The following USP35 variants were observed in gnomAD, a reference collection of about 807,000 sequenced individuals.
USP35 encodes the protein ubiquitin carboxyl-terminal hydrolase 35.
USP35 carries 69 observed loss-of-function variants against 83.8 expected under a neutral mutation model. That is an observed-to-expected ratio of 0.82 (90% CI 0.68 to 1.01). The LOEUF (loss-of-function observed/expected upper bound fraction) is 1.01. Among genes scored for constraint, USP35 ranks in the 50% least tolerant of loss-of-function variants. The pLI is 0.00. For missense variants in USP35, 1,503 were observed against 1,362.5 expected, an observed-to-expected ratio of 1.10 and a Z score of -1.62; for synonymous variants, 714 against 589.5, an observed-to-expected ratio of 1.21 and a Z score of -3.06.
At position 78,197,992 on chromosome 11, in the gene USP35, C is replaced by A. The variant is rs1044452652; in HGVS notation, c.730C>A (p.Leu244Ile). 5 of 1,614,126 alleles carry A rather than the reference C, an allele frequency of 3.1e-6. No homozygotes were observed. In the African/African-American group the frequency reaches 6.7e-5, roughly 22 times the overall value. ...CGTGGTCCAGCACCTCCCATTGGAG[C>A]TCATGGATGGTGTTGTCCGGAACCT... ...ASVVQHLPLE[L>I]MDGVVRNLSN... Residue 244 changes from leucine (L) to isoleucine (I), a missense_variant, in exon 3 of 11, where the codon CTC becomes ATC. By Grantham distance (5) the Leu-to-Ile change is conservative. Transcript: ENST00000529308.
chr11:78,214,658 A>C lies in USP35; in HGVS notation c.*845A>C, dbSNP rs1864020361. 1.3e-5 allele frequency: 2 copies of C among 152,068 alleles called. No individual in the cohort carries two copies. The highest frequency in any genetic ancestry group is 4.8e-5 in the African/African-American group (2 of 41,360). 9.4% of individuals were successfully genotyped at this position (152,068 alleles called of 1,614,324 possible). A position where few individuals can be genotyped will look rare whatever the true frequency, so the allele number is the denominator to read the frequency against. On this transcript the variant is annotated 3_prime_UTR_variant, in exon 11 of 11. Coordinates refer to ENST00000529308, the MANE Select transcript of USP35 (RefSeq NM_020798.4). Reference sequence around the variant, plus strand: ...GTAGCCCCCTTCTAACTTCTAACCGAAGACAAGACAGACACCCATGTTCAT... The same window carrying C: ...GTAGCCCCCTTCTAACTTCTAACCGCAGACAAGACAGACACCCATGTTCAT...
downstream of USP35, chr11:78,219,504 G>C (rs1864312109): frequency 1.7e-6 from 2 of 1,202,580 alleles, no homozygotes; most frequent in South Asian, 1.3e-5. Context: ...TTCCTGAGCT[G>C]TCTGAAGGGG....
At chr11:78,226,177 A>AC in the USP35 span, among the ~76,000 whole-genome samples, 1 of 152,172 alleles carries the variant, frequency 6.6e-6, no homozygotes, top group South Asian at 2.1e-4. Flanking sequence ...GGGCTTCTAA[A>AC]CCCATAATAT....
At position 78,214,380 on chromosome 11, in the gene USP35, G is replaced by GGGT. The variant is rs1555090247; in HGVS notation, c.*569_*570insTGG. The GGGT allele has an allele frequency of 7.8e-6, 1 of 127,742 alleles. No homozygotes were observed. The allele number at this position is 127,742 out of a possible 1,614,324, so 7.9% of individuals were successfully genotyped here. On this transcript the variant is annotated 3_prime_UTR_variant, in exon 11 of 11. Transcript: ENST00000529308. ...TACCAAGCGCCACTGCATGGTTTTG[G>GGGT]GGGGGGGGGCGGGGGGCTAGCTTCT...
At chr11:78,210,828 C>A in intron 10 of USP35, 84 bp downstream of exon 10, 1 of 1,379,970 alleles carries the variant, frequency 7.2e-7, no homozygotes. Flanking sequence ...GTCATTTCCC[C>A]TCTAAGTCTT....
In USP35 at chr11:78,204,750, G is replaced by T. The variant is rs966544145; in HGVS notation, c.1198-1092G>T. 2.6e-5 allele frequency among the ~76,000 whole-genome samples: 4 copies of T among 152,192 alleles called. No homozygotes were observed. The South Asian group carries it at 8.3e-4, about 31-fold the overall frequency. ...CTGTATCTTATCTGTCTTCCCGCTG[G>T]CATCTCCTTGGTTATGTGTGTGTGT... On this transcript the variant is annotated intron_variant, in intron 6 of 10. Transcript: ENST00000529308.
chr11:78,214,483 TGTGGTTA>T lies in USP35; in HGVS notation c.*672_*678del, dbSNP rs916159225. On this transcript the variant is annotated 3_prime_UTR_variant, in exon 11 of 11. Transcript: ENST00000529308. Reference sequence around the variant, plus strand: ...GAGAAGCCACCACTTGTATCCCCCTTGTGGTTAGAGTCCTGATTTTACTGCAAAGGTG... The same window carrying T: ...GAGAAGCCACCACTTGTATCCCCCTTGAGTCCTGATTTTACTGCAAAGGTG... 10 of 143,178 alleles carry T rather than the reference TGTGGTTA, an allele frequency of 7.0e-5. No individual in the cohort carries two copies. The highest frequency in any genetic ancestry group is 2.6e-4 in the African/African-American group (10 of 37,836). 8.9% of individuals were successfully genotyped at this position (143,178 alleles called of 1,614,324 possible).
chr11:78,212,572 A>G (rs1429904192), intron 10 of USP35, among the ~76,000 whole-genome samples: 1 of 152,178 alleles, frequency 6.6e-6, no homozygotes, highest in African/African-American at 2.4e-5. Context: ...ATCTGTGAGC[A>G]TGGAATGTTT....
Position 78,210,665 on chromosome 11 carries a change from C to A in USP35, c.2810C>A (p.Ser937Tyr), listed in dbSNP as rs1863733164. ...GAGGGGCCCGAGGCTGAGTTGGGCT[C>A]TTCTAGAGTCCGGACAGAGCCCACC... ...PREGPEAELG[S>Y]SRVRTEPTLH... The change falls in exon 10 of 11, where the codon TCT becomes TAT. Residue 937 changes from serine to tyrosine, a missense_variant. Ser to Tyr is a moderately radical substitution (Grantham distance 144, BLOSUM62 -2). Coordinates refer to ENST00000529308, the MANE Select transcript of USP35 (RefSeq NM_020798.4). 1.9e-6 allele frequency: 3 copies of A among 1,613,468 alleles called. No individual in the cohort carries two copies. Among genetic ancestry groups the A allele is most frequent in the East Asian group, 4.5e-5 (2 of 44,876 alleles).
intron 6 of USP35, among the ~76,000 whole-genome samples, chr11:78,203,159 T>C (rs532058213): frequency 6.6e-6 from 1 of 152,124 alleles, no homozygotes; most frequent in East Asian, 1.9e-4. Context: ...TATAAGATGA[T>C]ACAGATACAG....
Position 78,207,597 on chromosome 11 carries a change from C to T in USP35, c.1459C>T (p.Leu487Phe). The part of the protein sequence containing the change: ...SQPLMTKLQW[L>F]FGFLEHSQRP... ...GCCCCTGATGACCAAGCTGCAGTGG[C>T]TCTTTGGCTTCCTAGAACACAGCCA... The change falls in exon 8 of 11, where the codon CTC (leucine) becomes TTC (phenylalanine). Residue 487 changes from leucine to phenylalanine, a missense_variant. Leu to Phe is a conservative substitution (Grantham distance 22, BLOSUM62 0). Coordinates refer to ENST00000529308, the MANE Select transcript of USP35 (RefSeq NM_020798.4). 1 of 1,614,148 alleles carries T rather than the reference C, an allele frequency of 6.2e-7. No individual in the cohort carries two copies.
intron 10 of USP35, among the ~76,000 whole-genome samples, chr11:78,211,531 T>A (rs1349194876): frequency 6.6e-6 from 1 of 152,226 alleles, no homozygotes; most frequent in Non-Finnish European, 1.5e-5. Flanking sequence ...ATTGCCACAC[T>A]GTCTTCCATG....
chr11:78,231,863 G>C, the USP35 span: 2 of 152,232 alleles, frequency 1.3e-5, no homozygotes, highest in Non-Finnish European at 2.9e-5. Context: ...TAAAATGCTT[G>C]TAAGTAGATT....
At chr11:78,220,122 G>A (rs1376738116), downstream of USP35, among the ~76,000 whole-genome samples, 1 of 152,200 alleles carries the variant, frequency 6.6e-6, no homozygotes, top group East Asian at 1.9e-4. Context: ...TGAGGGTACT[G>A]TGCTCTGAGA....
At position 78,215,198 on chromosome 11, in the gene USP35, C is replaced by CA. The variant is rs1555090833; in HGVS notation, c.*1387dup. The CA allele has an allele frequency of 1.3e-5, 2 of 152,374 alleles. No individual in the cohort carries two copies. Among genetic ancestry groups the CA allele is most frequent in the African/African-American group, 4.8e-5 (2 of 41,260 alleles). The allele number at this position is 152,374 out of a possible 1,614,324, so 9.4% of individuals were successfully genotyped here. A position where few individuals can be genotyped will look rare whatever the true frequency, so the allele number is the denominator to read the frequency against. On this transcript the variant is annotated 3_prime_UTR_variant, in exon 11 of 11. Transcript: ENST00000529308. ...CTTATTCACAGCCAAGAAAAATACC[C>CA]AATTATTTCCAAATAAAGCAAAAAT...
At chr11:78,200,384 G>C (rs1198897396) in intron 5 of USP35, 150 bp downstream of exon 5, 10 of 1,004,166 alleles carry the variant, frequency 1.0e-5, no homozygotes, top group African/African-American at 3.2e-5. Flanking sequence ...TGGATCGTGG[G>C]CTCTGGCCTC....
At chr11:78,230,359 T>TG in the USP35 span, among the ~76,000 whole-genome samples, 7 of 152,362 alleles carry the variant, frequency 4.6e-5, no homozygotes, top group African/African-American at 1.4e-4. Flanking sequence ...GCCCTGGTCT[T>TG]GCATTACTCA....
intron 1 of USP35, among the ~76,000 whole-genome samples, chr11:78,192,064 C>CT (rs1863022653): frequency 6.6e-6 from 1 of 152,126 alleles, no homozygotes. Context: ...AGGACCTCAT[C>CT]TTTTTTATAC....
downstream of USP35, chr11:78,219,225 G>A (rs1251646179): frequency 6.3e-7 from 1 of 1,579,898 alleles, no homozygotes. Context: ...GATGGGAAGG[G>A]CCAGCTCTGG....
Sources: gnomAD v4.1 joint callset for allele counts (sites outside exome capture counted in the v4.1 genomes callset) on GRCh38, gnomAD v4.1.1 for gene constraint, MANE v1.5 for transcripts, NCBI Gene and HGNC (gene_info 2026-07-23, HGNC 2026-07-21) for gene names.